The following MTUS1 variants were observed in gnomAD, a reference collection of about 807,000 sequenced individuals.
MTUS1 encodes microtubule associated scaffold protein 1.
A neutral mutation model predicts 120.8 loss-of-function variants in MTUS1; 109 were observed. That is an observed-to-expected ratio of 0.90 (90% CI 0.77 to 1.06). The LOEUF is 1.06. Among genes scored for constraint, MTUS1 ranks in the 50% least tolerant of loss-of-function variants. MTUS1 has a pLI of 0.00. For missense variants in MTUS1, 2,210 were observed against 1,486.3 expected (o/e 1.49, Z -8.01); for synonymous variants, 737 against 550.5 (o/e 1.34, Z -4.74).
intron 1 of MTUS1, among the ~76,000 whole-genome samples, chr8:17,780,239 TCA>T (rs2050769743): frequency 6.6e-6 from 1 of 152,104 alleles, no homozygotes; most frequent in Non-Finnish European, 1.5e-5. Flanking sequence ...GCTCTTGCTC[TCA>T]CCATGTGACA....
At chr8:17,646,945 G>A (rs182820929) in intron 14 of MTUS1, 37 bp downstream of exon 14, 163 of 1,495,410 alleles carry the variant, frequency 1.1e-4, no homozygotes, top group Admixed American at 1.0e-3. Flanking sequence ...CCAAGGGAGC[G>A]GGGAGCTCGG....
At chr8:17,737,987 G>C (rs1301498403) in intron 3 of MTUS1, among the ~76,000 whole-genome samples, 4 of 152,162 alleles carry the variant, frequency 2.6e-5, no homozygotes, top group East Asian at 1.9e-4. Flanking sequence ...AAAATAATCA[G>C]TTTACATAAA....
chr8:17,774,755 T>C lies in MTUS1; in HGVS notation c.-154-18794A>G, dbSNP rs138303368. 9.8e-4 allele frequency among the ~76,000 whole-genome samples: 149 copies of C among 151,578 alleles called. 1 individual carries two copies. Among genetic ancestry groups the C allele is most frequent in the African/African-American group, 3.4e-3 (139 of 41,308 alleles). ...CTCTTATACCCCCAAAAGCAGAAAA[T>C]AGAGACTCCAAGAAATCTGTACATC... is the stretch of plus-strand genomic sequence containing the variant. On this transcript the variant is annotated intron_variant, in intron 1 of 14. Coordinates refer to ENST00000693296, the MANE Select transcript of MTUS1 (RefSeq NM_001363059.2).
At chr8:17,771,561 A>T (rs1213688076) in intron 1 of MTUS1, among the ~76,000 whole-genome samples, 1 of 152,206 alleles carries the variant, frequency 6.6e-6, no homozygotes, top group African/African-American at 2.4e-5. Context: ...ACTTTACAAA[A>T]TAGTCAGTGT....
At chr8:17,675,767 T>C (rs1181202133) in intron 7 of MTUS1, among the ~76,000 whole-genome samples, 1 of 152,200 alleles carries the variant, frequency 6.6e-6, no homozygotes, top group African/African-American at 2.4e-5. Flanking sequence ...AAGATAATCC[T>C]TTAAAGACAA....
At chr8:17,729,976 G>A (rs1217294974) in intron 3 of MTUS1, among the ~76,000 whole-genome samples, 3 of 138,558 alleles carry the variant, frequency 2.2e-5, no homozygotes, top group African/African-American at 8.1e-5. Flanking sequence ...CTAATGGGAT[G>A]CTATCATCAA....
At chr8:17,661,040 G>T (rs1410937385) in intron 8 of MTUS1, among the ~76,000 whole-genome samples, 1 of 152,164 alleles carries the variant, frequency 6.6e-6, no homozygotes, top group Non-Finnish European at 1.5e-5. Context: ...GACTGCTGGA[G>T]AACATTCTCT....
intron 3 of MTUS1, among the ~76,000 whole-genome samples, chr8:17,732,860 G>T (rs892595237): frequency 6.6e-6 from 1 of 151,936 alleles, no homozygotes. Context: ...CCTAGAATCT[G>T]AGCGGGCCTC....
intron 7 of MTUS1, among the ~76,000 whole-genome samples, chr8:17,677,161 C>T (rs1263820384): frequency 1.3e-5 from 2 of 152,078 alleles, no homozygotes; most frequent in Non-Finnish European, 2.9e-5. Flanking sequence ...AATTGGTTTT[C>T]TAATGTAGAA....
rs111480010 is a variant in MTUS1, at chr8:17,662,486, G to T, written c.2906-6421C>A. ...TTCTCTTGCCACAGCCTCCCGAGTA[G>T]CTGGGACTACAGGTGCACACCACCA... On this transcript the variant is annotated intron_variant, in intron 8 of 14. Coordinates refer to ENST00000693296, the MANE Select transcript of MTUS1 (RefSeq NM_001363059.2). Among the ~76,000 whole-genome samples the T allele has an allele frequency of 3.6e-4, 54 of 151,270 alleles. 1 individual carries two copies. The highest frequency in any genetic ancestry group is 1.2e-3 in the African/African-American group (50 of 41,074).
chr8:17,687,825 T>A (rs574539085), intron 6 of MTUS1, among the ~76,000 whole-genome samples: 2 of 152,196 alleles, frequency 1.3e-5, no homozygotes, highest in Non-Finnish European at 2.9e-5. Flanking sequence ...CTCAATTTAA[T>A]AAGATTTAAA....
At chr8:17,661,125 A>C (rs892388048) in intron 8 of MTUS1, among the ~76,000 whole-genome samples, 7 of 152,352 alleles carry the variant, frequency 4.6e-5, no homozygotes, top group Admixed American at 4.6e-4. Context: ...ATGTTAGTCA[A>C]ACGAGTAAAC....
rs1343527980 is a variant in MTUS1 at position 17,754,945 on chromosome 8, TCC to T, written c.861_862del (p.Glu288AspfsTer9). 1.2e-6 allele frequency: 2 copies of T among 1,614,126 alleles called. No homozygotes were observed. Among genetic ancestry groups the T allele is most frequent in the Non-Finnish European group, 1.7e-6 (2 of 1,179,976 alleles). On this transcript the variant is annotated frameshift_variant, in exon 2 of 15. Coordinates refer to ENST00000693296, the MANE Select transcript of MTUS1 (RefSeq NM_001363059.2). LOFTEE classifies it high-confidence loss of function. ...AGAAACTGGTGTTAGTGCTTGTGTC[TCC>T]TTTTCTCCAACTAGTCTTTGTTGTG...
At chr8:17,697,203 A>G (rs1818140042) in intron 6 of MTUS1, 2 of 1,522,082 alleles carry the variant, frequency 1.3e-6, no homozygotes, top group Non-Finnish European at 1.8e-6. Context: ...ACATCTGCAA[A>G]TTAATGAAGA....
At chr8:17,739,911 G>T (rs2047187864) in intron 3 of MTUS1, among the ~76,000 whole-genome samples, 1 of 152,078 alleles carries the variant, frequency 6.6e-6, no homozygotes, top group Non-Finnish European at 1.5e-5. Flanking sequence ...CTTATAATCT[G>T]GTCTCATATA....
In MTUS1 at chr8:17,743,687, C is replaced by T; in HGVS notation, c.2204G>A (p.Cys735Tyr). Residue 735 changes from cysteine (C) to tyrosine (Y), a missense_variant, in exon 3 of 15, where the codon TGT becomes TAT. Coordinates refer to ENST00000693296, the MANE Select transcript of MTUS1 (RefSeq NM_001363059.2). ...PKAKVGPPVS[C>Y]LRRNSDNRNP... The stretch of plus-strand genomic sequence containing the variant: ...TCTATTGTCACTGTTCCGCCTCAAA[C>T]AGGAAACAGGGGGCCCCACTTTGGC... The T allele has an allele frequency of 6.2e-7, 1 of 1,614,158 alleles. No homozygotes were observed. Among genetic ancestry groups the T allele is most frequent in the East Asian group, 2.2e-5 (1 of 44,888 alleles).
rs60406848 is a variant in MTUS1 at position 17,765,678 on chromosome 8, CCACACACA to C, written c.-154-9725_-154-9718del. ...CTTCACCATCATTAAAATACAGACA[CCACACACA>C]CACACACACACACACACACACACAC... is the stretch of plus-strand genomic sequence containing the variant. On this transcript the variant is annotated intron_variant, in intron 1 of 14. Transcript: ENST00000693296. Among the ~76,000 whole-genome samples, 477 of 130,158 alleles carry C rather than the reference CCACACACA, an allele frequency of 3.7e-3. 1 individual carries two copies. Among genetic ancestry groups the C allele is most frequent in the East Asian group, 0.025 (112 of 4,498 alleles). 85.4% of individuals were successfully genotyped at this position (130,158 alleles called of 152,430 possible).
At chr8:17,738,359 A>G (rs1793905164) in intron 3 of MTUS1, among the ~76,000 whole-genome samples, 1 of 152,140 alleles carries the variant, frequency 6.6e-6, no homozygotes, top group African/African-American at 2.4e-5. Context: ...CTACTTCTGT[A>G]ATCCTACCTG....
At chr8:17,777,489 C>T (rs1486747260) in intron 1 of MTUS1, among the ~76,000 whole-genome samples, 7 of 151,756 alleles carry the variant, frequency 4.6e-5, no homozygotes, top group Non-Finnish European at 5.9e-5. Flanking sequence ...CAGTGTGTCC[C>T]TGGAACTAAA....
Sources: gnomAD v4.1 joint callset for allele counts (sites outside exome capture counted in the v4.1 genomes callset) on GRCh38, gnomAD v4.1.1 for gene constraint, MANE v1.5 for transcripts, NCBI Gene and HGNC (gene_info 2026-07-23, HGNC 2026-07-21) for gene names.